The following RABEP2 variants were observed in gnomAD, a reference collection of about 807,000 sequenced individuals.
RABEP2 encodes rabaptin, RAB GTPase binding effector protein 2, also known as rab GTPase-binding effector protein 2.
A neutral mutation model predicts 74.1 loss-of-function variants in RABEP2; 57 were observed. That is an observed-to-expected ratio of 0.77 (90% CI 0.62 to 0.96). The LOEUF is 0.96. Ranked by LOEUF, RABEP2 falls within the 40% of genes least tolerant of loss-of-function variation. The pLI is 0.00. For missense variants in RABEP2, 692 were observed against 756.3 expected (o/e 0.91, Z 1.00); for synonymous variants, 351 against 344.0 (o/e 1.02, Z -0.23).
intron 7 of RABEP2, among the ~76,000 whole-genome samples, chr16:28,909,521 TG>T (rs913808842): frequency 4.3e-4 from 65 of 152,104 alleles, no homozygotes; most frequent in African/African-American, 1.5e-3. Context: ...GAGACCAGCC[TG>T]GGCAACATAG....
chr16:28,925,054 C>A, intron 1 of RABEP2, 49 bp downstream of exon 1: 4 of 1,539,134 alleles, frequency 2.6e-6, no homozygotes, highest in Non-Finnish European at 3.5e-6. Context: ...GGCTCGGCCC[C>A]GCCCCCAGCA....
chr16:28,919,750 A>G (rs1301199010), intron 3 of RABEP2, 36 bp downstream of exon 3: 2 of 1,576,918 alleles, frequency 1.3e-6, no homozygotes, highest in Admixed American at 1.7e-5. Flanking sequence ...ATTCTTCCAA[A>G]TCCCAGGGCA....
At position 28,905,428 on chromosome 16, in the gene RABEP2, C is replaced by A; in HGVS notation, c.1577G>T (p.Arg526Met). The change falls in exon 12 of 13, where the codon AGG (arginine) becomes ATG (methionine). Residue 526 changes from arginine (R) to methionine (M), a missense_variant. By Grantham distance (91) the Arg-to-Met change is moderately conservative. Coordinates refer to ENST00000358201, the MANE Select transcript of RABEP2 (RefSeq NM_024816.3). ...GGCCTGGGACAGTCGCACGAAATCCCTCTGCACCTGCTCACTGGTCTCCAG... is the reference window on the plus strand; with the variant it reads ...GGCCTGGGACAGTCGCACGAAATCCATCTGCACCTGCTCACTGGTCTCCAG... ...AELETSEQVQRDFVRLSQALQ... is the reference protein window; with the variant it reads ...AELETSEQVQMDFVRLSQALQ... 6.2e-7 allele frequency: 1 copy of A among 1,607,572 alleles called. No individual in the cohort carries two copies. Among genetic ancestry groups the A allele is most frequent in the Non-Finnish European group, 8.5e-7 (1 of 1,177,980 alleles).
chr16:28,910,040 A>G (rs1352299441), intron 7 of RABEP2, among the ~76,000 whole-genome samples: 4 of 151,598 alleles, frequency 2.6e-5, no homozygotes, highest in Non-Finnish European at 4.4e-5. Flanking sequence ...AAAAAAAAAA[A>G]AAAAAAAAAA....
chr16:28,905,075 A>C lies in RABEP2; in HGVS notation c.1609-31T>G, dbSNP rs186764193. On this transcript the variant is annotated intron_variant, in intron 12 of 12. Transcript: ENST00000358201. Reference sequence around the variant, plus strand: ...GGATCGGACGAGGGGAGCAGAGTGCACTTGTGGGGAAACGCAGCCCCTACC... The same window carrying C: ...GGATCGGACGAGGGGAGCAGAGTGCCCTTGTGGGGAAACGCAGCCCCTACC... 335 of 1,563,498 alleles carry C rather than the reference A, an allele frequency of 2.1e-4. 2 individuals carry two copies. In the African/African-American group the frequency reaches 4.2e-3, roughly 20 times the overall value.
chr16:28,924,834 T>C lies in RABEP2; in HGVS notation c.62-219A>G, dbSNP rs1427256929. 7 of 707,280 alleles carry C rather than the reference T, an allele frequency of 9.9e-6. No individual in the cohort carries two copies. In the Admixed American group the frequency reaches 1.4e-4, roughly 14 times the overall value. 43.8% of individuals were successfully genotyped at this position (707,280 alleles called of 1,614,324 possible). A position where few individuals can be genotyped will look rare whatever the true frequency, so the allele number is the denominator to read the frequency against. ...CTTCGCGGTGGCCAGTTTCACTCAGTCCTCTCTTCGGTCCCACCTGGCCCC... is the reference window on the plus strand; with the variant it reads ...CTTCGCGGTGGCCAGTTTCACTCAGCCCTCTCTTCGGTCCCACCTGGCCCC... On this transcript the variant is annotated intron_variant, in intron 1 of 12. Transcript: ENST00000358201.
rs1465310136 is a variant in RABEP2 at position 28,914,536 on chromosome 16, G to A, written c.594C>T (p.Pro198=). 2 of 1,612,340 alleles carry A rather than the reference G, an allele frequency of 1.2e-6. No individual in the cohort carries two copies. The highest frequency in any genetic ancestry group is 1.3e-5 in the African/African-American group (1 of 74,924). ...GCGGGGGCGATGGATCCCGGGACAGGGGCAGCAACTCCGTGGAGCCGTGCA... is the reference window on the plus strand; with the variant it reads ...GCGGGGGCGATGGATCCCGGGACAGAGGCAGCAACTCCGTGGAGCCGTGCA... ...PSLHGSTELL[P]LSRDPSPPLE... The change falls in exon 5 of 13, where the codon CCC becomes CCT. Residue 198 remains proline (P), a synonymous_variant. Coordinates refer to ENST00000358201, the MANE Select transcript of RABEP2 (RefSeq NM_024816.3).
At chr16:28,912,246 CA>C (rs879699614) in intron 5 of RABEP2, among the ~76,000 whole-genome samples, 219 of 137,146 alleles carry the variant, frequency 1.6e-3, no homozygotes, top group Admixed American at 6.8e-3. Context: ...GACTCCATCT[CA>C]AAAAAAAAAA....
At chr16:28,913,333 T>C (rs569409473) in intron 5 of RABEP2, among the ~76,000 whole-genome samples, 8 of 152,254 alleles carry the variant, frequency 5.3e-5, no homozygotes, top group African/African-American at 1.9e-4. Flanking sequence ...ATAAGCCCAG[T>C]TTTGTTTTTC....
chr16:28,924,289 G>A, intron 2 of RABEP2, 114 bp downstream of exon 2: 1 of 1,059,264 alleles, frequency 9.4e-7, no homozygotes, highest in Non-Finnish European at 1.4e-6. Flanking sequence ...CATGCCCTGT[G>A]CCAGGCAGCC....
intron 5 of RABEP2, among the ~76,000 whole-genome samples, chr16:28,913,778 CTTTTTTTTTTTT>C (rs1163826105): frequency 8.3e-6 from 1 of 120,468 alleles, no homozygotes; most frequent in Non-Finnish European, 1.7e-5. Context: ...CACCCGGCCT[CTTTTTTTTTTTT>C]TTTTTTTTTG....
Position 28,925,189 on chromosome 16 carries a change from C to A in RABEP2, c.-26G>T. On this transcript the variant is annotated 5_prime_UTR_variant, in exon 1 of 13. Transcript: ENST00000358201. Reference sequence around the variant, plus strand: ...TGCCTCAGCGCAAACGGCGGATTCCCGCACTCCCTGGTGACGGAGCGCACC... The same window carrying A: ...TGCCTCAGCGCAAACGGCGGATTCCAGCACTCCCTGGTGACGGAGCGCACC... 1 of 1,524,150 alleles carries A rather than the reference C, an allele frequency of 6.6e-7. No homozygotes were observed. The highest frequency in any genetic ancestry group is 8.8e-7 in the Non-Finnish European group (1 of 1,141,916). 94.4% of individuals were successfully genotyped at this position (1,524,150 alleles called of 1,614,324 possible). A position where few individuals can be genotyped will look rare whatever the true frequency, so the allele number is the denominator to read the frequency against.
intron 2 of RABEP2, among the ~76,000 whole-genome samples, chr16:28,920,537 C>T (rs1042685006): frequency 6.6e-6 from 1 of 151,916 alleles, no homozygotes; most frequent in Non-Finnish European, 1.5e-5. Context: ...AGGCGCCCAC[C>T]ACCACCCCTG....
At position 28,904,686 on chromosome 16, in the gene RABEP2, G is replaced by C. The variant is rs564350442; in HGVS notation, c.*257C>G. On this transcript the variant is annotated 3_prime_UTR_variant, in exon 13 of 13. Transcript: ENST00000358201. Reference sequence around the variant, plus strand: ...CAGGAGGCAGCACAGCAGCCAGAAAGCCGCAGGCCTGAGCCTGCACCTTTG... The same window carrying C: ...CAGGAGGCAGCACAGCAGCCAGAAACCCGCAGGCCTGAGCCTGCACCTTTG... 31 of 656,020 alleles carry C rather than the reference G, an allele frequency of 4.7e-5. No homozygotes were observed. The African/African-American group carries it at 5.3e-4, about 11-fold the overall frequency. The allele number at this position is 656,020 out of a possible 1,614,324, so 40.6% of individuals were successfully genotyped here.
At chr16:28,920,935 C>T in intron 2 of RABEP2, 1 of 275,554 alleles carries the variant, frequency 3.6e-6, no homozygotes, top group Non-Finnish European at 7.3e-6. Context: ...GCAATCATGA[C>T]TCACTGCAAC....
At chr16:28,920,729 A>G (rs551491796) in intron 2 of RABEP2, among the ~76,000 whole-genome samples, 123 of 151,950 alleles carry the variant, frequency 8.1e-4, no homozygotes, top group African/African-American at 2.9e-3. Flanking sequence ...TCTAGGGTAC[A>G]TGTGCACAAC....
intron 3 of RABEP2, among the ~76,000 whole-genome samples, chr16:28,915,398 T>C (rs2152221588): frequency 6.6e-6 from 1 of 151,718 alleles, no homozygotes; most frequent in Admixed American, 6.6e-5. Context: ...ACATTGTTAG[T>C]TGGGCATGTG....
intron 12 of RABEP2, 53 bp downstream of exon 12, chr16:28,905,344 G>A (rs1193903890): frequency 7.6e-7 from 1 of 1,316,596 alleles, no homozygotes; most frequent in South Asian, 1.2e-5. Context: ...AGACCCAGGA[G>A]AGGTCACCCG....
At chr16:28,917,602 A>G (rs1964411563) in intron 3 of RABEP2, among the ~76,000 whole-genome samples, 1 of 152,070 alleles carries the variant, frequency 6.6e-6, no homozygotes, top group Non-Finnish European at 1.5e-5. Context: ...GTACTTTTTT[A>G]GTAGAGACGG....
Sources: gnomAD v4.1 joint callset for allele counts (sites outside exome capture counted in the v4.1 genomes callset) on GRCh38, gnomAD v4.1.1 for gene constraint, MANE v1.5 for transcripts, NCBI Gene and HGNC (gene_info 2026-07-23, HGNC 2026-07-21) for gene names.